The following ATP2B2 variants were observed in gnomAD, a reference collection of about 807,000 sequenced individuals.
ATP2B2 encodes plasma membrane calcium-transporting ATPase 2.
A neutral mutation model predicts 120.0 loss-of-function variants in ATP2B2; 15 were observed. The ratio of observed to expected loss-of-function variants is 0.12; its 90% CI spans 0.08 to 0.19. ATP2B2 has a LOEUF of 0.19. Ranked by LOEUF, ATP2B2 falls within the 10% of genes least tolerant of loss-of-function variation. The pLI is 1.00. For missense variants in ATP2B2, 1,045 were observed against 1,719.8 expected, an observed-to-expected ratio of 0.61 and a Z score of 6.94; for synonymous variants, 694 against 700.3, an observed-to-expected ratio of 0.99 and a Z score of 0.14.
At chr3:10,433,969 C>T (rs1241252203) in intron 2 of ATP2B2, among the ~76,000 whole-genome samples, 1 of 152,040 alleles carries the variant, frequency 6.6e-6, no homozygotes, top group Non-Finnish European at 1.5e-5. Flanking sequence ...TGCTATATAC[C>T]TAGCTCCTAG....
intron 3 of ATP2B2, 148 bp downstream of exon 3, chr3:10,410,470 G>A (rs2062570402): frequency 9.9e-7 from 1 of 1,013,536 alleles, no homozygotes; most frequent in Non-Finnish European, 1.4e-6. Context: ...CCCTTTGGCT[G>A]TGTTGGCTAT....
intron 1 of ATP2B2, among the ~76,000 whole-genome samples, chr3:10,655,302 T>G (rs2070587765): frequency 9.6e-6 from 1 of 104,654 alleles, no homozygotes; most frequent in South Asian, 2.9e-4. Context: ...AAGACAGCTG[T>G]GCCTCTGAGT....
chr3:10,632,266 C>T (rs1360174385), intron 1 of ATP2B2, among the ~76,000 whole-genome samples: 1 of 152,168 alleles, frequency 6.6e-6, no homozygotes, highest in Non-Finnish European at 1.5e-5. Context: ...ATTAACAACT[C>T]TGGTGCTGGG....
chr3:10,427,046 G>C (rs920002973), intron 2 of ATP2B2, among the ~76,000 whole-genome samples: 2 of 152,212 alleles, frequency 1.3e-5, no homozygotes, highest in African/African-American at 2.4e-5. Flanking sequence ...AATTGCAGAT[G>C]AGGAAACTGT....
intron 2 of ATP2B2, among the ~76,000 whole-genome samples, chr3:10,440,809 G>T (rs922873880): frequency 1.3e-5 from 2 of 152,200 alleles, no homozygotes; most frequent in Non-Finnish European, 2.9e-5. Context: ...AGACAGTGTA[G>T]GCACCAATCC....
chr3:10,529,946 G>A (rs2067176210), intron 3 of ATP2B2, among the ~76,000 whole-genome samples: 1 of 152,200 alleles, frequency 6.6e-6, no homozygotes, highest in African/African-American at 2.4e-5. Context: ...CTGGAAGCCA[G>A]GAGAGAGGCC....
At chr3:10,382,439 T>A (rs113692180) in intron 8 of ATP2B2, among the ~76,000 whole-genome samples, 6,865 of 151,908 alleles carry the variant, frequency 0.045, 181 homozygotes, top group Middle Eastern at 0.075. Context: ...CTCCACTTCC[T>A]GGGTTCAAGC....
intron 8 of ATP2B2, 75 bp downstream of exon 8, chr3:10,385,189 GGAAA>G (rs2061638877): frequency 2.1e-6 from 3 of 1,419,318 alleles, no homozygotes; most frequent in South Asian, 2.3e-5. Context: ...TCCAGAACAA[GGAAA>G]GAAAGCCCAA....
At chr3:10,464,337 G>T (rs796954921) in intron 1 of ATP2B2, among the ~76,000 whole-genome samples, 2 of 152,148 alleles carry the variant, frequency 1.3e-5, no homozygotes, top group Non-Finnish European at 2.9e-5. Context: ...CCTCCCAGGG[G>T]ACACAGGCCC....
chr3:10,367,907 C>T (rs1385809171), intron 12 of ATP2B2, among the ~76,000 whole-genome samples: 1 of 152,180 alleles, frequency 6.6e-6, no homozygotes, highest in East Asian at 1.9e-4. Context: ...GACTGAAAAA[C>T]AGAGGCTCAG....
intron 2 of ATP2B2, among the ~76,000 whole-genome samples, chr3:10,610,096 CACACACATATAT>C (rs2069189546): frequency 6.6e-6 from 1 of 150,584 alleles, no homozygotes; most frequent in African/African-American, 2.5e-5. Flanking sequence ...CACACACACA[CACACACATATAT>C]ACACATATAT....
At chr3:10,397,999 C>T (rs1326184381) in intron 5 of ATP2B2, among the ~76,000 whole-genome samples, 2 of 152,194 alleles carry the variant, frequency 1.3e-5, no homozygotes, top group African/African-American at 4.8e-5. Flanking sequence ...CTGACTCCCA[C>T]GCAATTGCAT....
chr3:10,369,442 C>A (rs1387529171), intron 12 of ATP2B2, among the ~76,000 whole-genome samples: 1 of 152,210 alleles, frequency 6.6e-6, no homozygotes. Flanking sequence ...AAAACCTAGT[C>A]TGGACATCAG....
chr3:10,487,896 C>CA (rs2065755895), intron 1 of ATP2B2, among the ~76,000 whole-genome samples: 1 of 152,180 alleles, frequency 6.6e-6, no homozygotes, highest in African/African-American at 2.4e-5. Flanking sequence ...AATCGAAGTC[C>CA]ACTTGTTTTC....
chr3:10,399,764 A>C (rs945961633), intron 5 of ATP2B2, among the ~76,000 whole-genome samples: 2 of 152,202 alleles, frequency 1.3e-5, no homozygotes, highest in Admixed American at 6.5e-5. Context: ...GCCTTTGTAC[A>C]TGGTTCCCTC....
intron 2 of ATP2B2, among the ~76,000 whole-genome samples, chr3:10,428,130 G>C (rs1212006576): frequency 2.0e-5 from 3 of 152,210 alleles, no homozygotes; most frequent in Non-Finnish European, 4.4e-5. Context: ...TGCTGCGTAT[G>C]GCCTGGGCAT....
chr3:10,503,217 T>C (rs1008241753), intron 1 of ATP2B2, among the ~76,000 whole-genome samples: 1 of 152,196 alleles, frequency 6.6e-6, no homozygotes, highest in Non-Finnish European at 1.5e-5. Flanking sequence ...CTTTGGAGTC[T>C]GCTGAAGGTG....
chr3:10,632,664 G>C (rs1041493289), intron 1 of ATP2B2, among the ~76,000 whole-genome samples: 15 of 152,322 alleles, frequency 9.8e-5, no homozygotes, highest in African/African-American at 3.6e-4. Context: ...GGCATGGGTG[G>C]GTCCTTTCCC....
At chr3:10,664,883 C>T (rs1274873459) in intron 1 of ATP2B2, among the ~76,000 whole-genome samples, 1 of 152,150 alleles carries the variant, frequency 6.6e-6, no homozygotes, top group Non-Finnish European at 1.5e-5. Context: ...CAAGCAACTG[C>T]CCCCATGCCT....
Sources: gnomAD v4.1 joint callset for allele counts (sites outside exome capture counted in the v4.1 genomes callset) on GRCh38, gnomAD v4.1.1 for gene constraint, MANE v1.5 for transcripts, NCBI Gene and HGNC (gene_info 2026-07-23, HGNC 2026-07-21) for gene names.